The following TMTC3 variants were observed in gnomAD, a reference collection of about 807,000 sequenced individuals.
TMTC3 encodes protein O-mannosyl-transferase TMTC3.
A neutral mutation model predicts 92.2 loss-of-function variants in TMTC3; 52 were observed. The observed-to-expected ratio is 0.56, with a 90% confidence interval of 0.45 to 0.71. TMTC3 has a LOEUF of 0.71. TMTC3 is among the 30% of genes least tolerant of loss of function. TMTC3 has a pLI of 0.00. For synonymous variants in TMTC3, 339 were observed against 363.3 expected (o/e 0.93, Z 0.76); for missense variants, 896 against 1,057.1 (o/e 0.85, Z 2.11).
intron 9 of TMTC3, 119 bp downstream of exon 9, chr12:88,174,846 C>T (rs754464531): frequency 1.1e-5 from 13 of 1,237,802 alleles, no homozygotes; most frequent in Non-Finnish European, 1.1e-5. Flanking sequence ...AAGTACTTTA[C>T]TAAAAGATTA....
intron 11 of TMTC3, among the ~76,000 whole-genome samples, chr12:88,189,660 TG>T (rs1299735007): frequency 6.6e-6 from 1 of 152,118 alleles, no homozygotes; most frequent in Non-Finnish European, 1.5e-5. Context: ...GTATCGAAAT[TG>T]GAAGATCTTA....
chr12:88,180,663 G>A (rs2041307819), intron 10 of TMTC3, among the ~76,000 whole-genome samples: 1 of 152,078 alleles, frequency 6.6e-6, no homozygotes. Flanking sequence ...GGCTGCAGGT[G>A]CTGCAGGGTC....
intron 11 of TMTC3, among the ~76,000 whole-genome samples, 197 bp from the exon 12 acceptor site, chr12:88,190,256 G>A (rs1490176080): frequency 1.3e-5 from 2 of 151,972 alleles, no homozygotes; most frequent in Non-Finnish European, 2.9e-5. Context: ...GTCTTTTTCT[G>A]AAGTCAAACA....
intron 10 of TMTC3, among the ~76,000 whole-genome samples, chr12:88,179,785 A>G (rs1019656796): frequency 6.8e-4 from 104 of 152,226 alleles, no homozygotes; most frequent in African/African-American, 2.3e-3. Flanking sequence ...AGCAAACACA[A>G]TTTGTGGGTA....
At position 88,195,026 on chromosome 12, in the gene TMTC3, C is replaced by T. The variant is rs932450261; in HGVS notation, c.2122C>T (p.Leu708=). Residue 708 remains leucine (L), a synonymous_variant, in exon 14 of 14, where the codon CTG becomes TTG. Coordinates refer to ENST00000266712, the MANE Select transcript of TMTC3 (RefSeq NM_181783.4). ...CGACTTCCGAAGTGCTTTGTTTAAT[C>T]TGGCTCTCCTGTATTCCCAGACTGC... ...QADFRSALFN[L]ALLYSQTAKE... 1 of 1,613,698 alleles carries T rather than the reference C, an allele frequency of 6.2e-7. No homozygotes were observed. Among genetic ancestry groups the T allele is most frequent in the Non-Finnish European group, 8.5e-7 (1 of 1,179,904 alleles).
chr12:88,161,971 C>A (rs2041085217), intron 6 of TMTC3, among the ~76,000 whole-genome samples: 1 of 151,926 alleles, frequency 6.6e-6, no homozygotes, highest in African/African-American at 2.4e-5. Flanking sequence ...TTACATTAAC[C>A]ATGAGTCACC....
At position 88,196,615 on chromosome 12, in the gene TMTC3, C is replaced by G. The variant is rs1441449498; in HGVS notation, c.*966C>G. On this transcript the variant is annotated 3_prime_UTR_variant, in exon 14 of 14. Coordinates refer to ENST00000266712, the MANE Select transcript of TMTC3 (RefSeq NM_181783.4). ...ATACCTTAAGCCACTGAATTCAGTT[C>G]TGTTTGACTGAAAGCAAAACAACGT... 2 of 151,858 alleles carry G rather than the reference C, an allele frequency of 1.3e-5. No individual in the cohort carries two copies. The highest frequency in any genetic ancestry group is 2.9e-5 in the Non-Finnish European group (2 of 67,824). The allele number at this position is 151,858 out of a possible 1,614,324, so 9.4% of individuals were successfully genotyped here.
intron 11 of TMTC3, 123 bp downstream of exon 11, chr12:88,189,069 G>A: frequency 6.6e-6 from 4 of 601,564 alleles, no homozygotes; most frequent in South Asian, 4.4e-5. Context: ...GTTTTATAAA[G>A]AATTACATTT....
chr12:88,163,975 T>A (rs2041111009), intron 6 of TMTC3, among the ~76,000 whole-genome samples: 1 of 151,832 alleles, frequency 6.6e-6, no homozygotes, highest in Non-Finnish European at 1.5e-5. Flanking sequence ...AGGTGATCAC[T>A]TGAGGTCAGG....
chr12:88,150,889 C>T (rs567066243), intron 2 of TMTC3, among the ~76,000 whole-genome samples: 9 of 152,040 alleles, frequency 5.9e-5, no homozygotes, highest in Non-Finnish European at 1.0e-4. Flanking sequence ...TAAATACTGC[C>T]GTATTAGGGG....
rs533974868 is a variant in TMTC3, at chr12:88,161,512, T to C, written c.797+661T>C. ...TCTTTTGTTGTTTGGTCAGATAATC[T>C]GACTTTTAGATGGGATATATCATTG... On this transcript the variant is annotated intron_variant, in intron 6 of 13. Coordinates refer to ENST00000266712, the MANE Select transcript of TMTC3 (RefSeq NM_181783.4). Among the ~76,000 whole-genome samples, 10 of 152,266 alleles carry C rather than the reference T, an allele frequency of 6.6e-5. No individual in the cohort carries two copies. In the South Asian group the frequency reaches 2.1e-3, roughly 32 times the overall value.
chr12:88,142,832 G>A (rs1355958520), intron 1 of TMTC3, among the ~76,000 whole-genome samples: 1 of 152,158 alleles, frequency 6.6e-6, no homozygotes, highest in African/African-American at 2.4e-5. Flanking sequence ...TTCGCGGATC[G>A]TGGGGCTTGA....
Position 88,146,611 on chromosome 12 carries a change from G to GTGTA in TMTC3, c.-28-1676_-28-1675insGTAT, listed in dbSNP as rs755721380. 5.7e-3 allele frequency among the ~76,000 whole-genome samples: 843 copies of GTGTA among 147,860 alleles called. 7 individuals carry two copies. The highest frequency in any genetic ancestry group is 0.036 in the East Asian group (182 of 5,032). Reference sequence around the variant, plus strand: ...TATATTTGTGTGTGTGTGTGTGTGTGTATATATATATATACATATATATGT... The same window carrying GTGTA: ...TATATTTGTGTGTGTGTGTGTGTGTGTGTATATATATATATATACATATATATGT... On this transcript the variant is annotated intron_variant, in intron 1 of 13. Coordinates refer to ENST00000266712, the MANE Select transcript of TMTC3 (RefSeq NM_181783.4).
Position 88,153,308 on chromosome 12 carries a change from T to G in TMTC3, c.207T>G (p.Ser69=). Residue 69 remains serine, a synonymous_variant, in exon 3 of 14, where the codon TCT becomes TCG. Coordinates refer to ENST00000266712, the MANE Select transcript of TMTC3 (RefSeq NM_181783.4). ...TPMSEERSHK[S]YRPLTVLTFR... ...CCTTGTAGGAGAGAAGCCACAAGTCTTACCGTCCCTTAACAGTATTGACAT... is the reference window on the plus strand; with the variant it reads ...CCTTGTAGGAGAGAAGCCACAAGTCGTACCGTCCCTTAACAGTATTGACAT... The G allele has an allele frequency of 6.2e-7, 1 of 1,611,556 alleles. No individual in the cohort carries two copies. Among genetic ancestry groups the G allele is most frequent in the Non-Finnish European group, 8.5e-7 (1 of 1,179,026 alleles).
intron 4 of TMTC3, among the ~76,000 whole-genome samples, chr12:88,155,822 T>G (rs2041002019): frequency 6.6e-6 from 1 of 152,142 alleles, no homozygotes; most frequent in African/African-American, 2.4e-5. Context: ...TAAGAATTAC[T>G]TATTTGGGCT....
At chr12:88,169,494 A>G (rs1383808418) in intron 7 of TMTC3, among the ~76,000 whole-genome samples, 1 of 151,938 alleles carries the variant, frequency 6.6e-6, no homozygotes, top group Admixed American at 6.6e-5. Context: ...TAAAGGTGCT[A>G]TTTTTTTTAT....
rs1264035716 is a variant in TMTC3 at position 88,160,238 on chromosome 12, A to G, written c.624+9A>G. 3.5e-6 allele frequency: 5 copies of G among 1,423,404 alleles called. 1 individual carries two copies. Among genetic ancestry groups the G allele is most frequent in the South Asian group, 3.0e-5 (2 of 66,158 alleles). 88.2% of individuals were successfully genotyped at this position (1,423,404 alleles called of 1,614,324 possible). ...TGTTTATTGCCCAGGGGGTAAGCCAAACTATAAATATATAAATTTTCTTAT... is the reference window on the plus strand; with the variant it reads ...TGTTTATTGCCCAGGGGGTAAGCCAGACTATAAATATATAAATTTTCTTAT... On this transcript the variant is annotated intron_variant, in intron 5 of 13. Transcript: ENST00000266712.
Position 88,166,592 on chromosome 12 carries a change from T to C in TMTC3, c.1050+10T>C. 6.2e-7 allele frequency: 1 copy of C among 1,602,742 alleles called. No individual in the cohort carries two copies. Among genetic ancestry groups the C allele is most frequent in the Non-Finnish European group, 8.5e-7 (1 of 1,175,904 alleles). ...CAAGACTGTTTTAATGGTAAGAAACTTTTCTTAACTTCCAAATGATGTTAA... is the reference window on the plus strand; with the variant it reads ...CAAGACTGTTTTAATGGTAAGAAACCTTTCTTAACTTCCAAATGATGTTAA... On this transcript the variant is annotated intron_variant, in intron 7 of 13. Transcript: ENST00000266712.
At chr12:88,146,721 CAAAG>C (rs1390035222) in intron 1 of TMTC3, among the ~76,000 whole-genome samples, 2 of 150,322 alleles carry the variant, frequency 1.3e-5, no homozygotes, top group Non-Finnish European at 3.0e-5. Flanking sequence ...CCTAACTTAA[CAAAG>C]AAAACTTTCT....
Sources: gnomAD v4.1 joint callset for allele counts (sites outside exome capture counted in the v4.1 genomes callset) on GRCh38, gnomAD v4.1.1 for gene constraint, MANE v1.5 for transcripts, NCBI Gene and HGNC (gene_info 2026-07-23, HGNC 2026-07-21) for gene names.